The following TUBGCP3 variants were observed in gnomAD, a reference collection of about 807,000 sequenced individuals.
TUBGCP3 encodes the protein gamma-tubulin complex component 3.
Under a neutral mutation model 123.1 loss-of-function variants are expected in TUBGCP3, and 50 were observed. That is an observed-to-expected ratio of 0.41 (90% CI 0.32 to 0.51). TUBGCP3 has a LOEUF of 0.51. Ranked by LOEUF, TUBGCP3 falls within the 20% of genes least tolerant of loss-of-function variation. The pLI is 0.36. For missense variants in TUBGCP3, 882 were observed against 1,127.0 expected, an observed-to-expected ratio of 0.78 and a Z score of 3.11; for synonymous variants, 405 against 413.9, an observed-to-expected ratio of 0.98 and a Z score of 0.26.
At position 112,524,787 on chromosome 13, in the gene TUBGCP3, C is replaced by CA. The variant is rs1258059797; in HGVS notation, c.1555+2154dup. On this transcript the variant is annotated intron_variant, in intron 13 of 21. Coordinates refer to ENST00000261965, the MANE Select transcript of TUBGCP3 (RefSeq NM_006322.6). This position sits in a 1 kb window ranked among gnomAD's most constrained non-coding sequence, Gnocchi z 4.4. ...GTTACCATGGTGAGATAAGTGCTTC[C>CA]AAAATCTCTATATTCGGCCCTGACT... 3.3e-5 allele frequency among the ~76,000 whole-genome samples: 5 copies of CA among 152,126 alleles called. No individual in the cohort carries two copies. The highest frequency in any genetic ancestry group is 1.3e-4 in the Admixed American group (2 of 15,270).
rs1877384666 is a variant in TUBGCP3 at position 112,529,359 on chromosome 13, A to G, written c.1336-1875T>C. On this transcript the variant is annotated intron_variant, in intron 11 of 21. Coordinates refer to ENST00000261965, the MANE Select transcript of TUBGCP3 (RefSeq NM_006322.6). ...TATCACCAGAATTAATTATATCAAC[A>G]GATTAAAAGAGGAAATCATTTGACT... Among the ~76,000 whole-genome samples the G allele has an allele frequency of 5.3e-5, 8 of 152,256 alleles. No homozygotes were observed. The South Asian group carries it at 1.7e-3, about 32-fold the overall frequency.
chr13:112,494,221 C>G (rs1332088904), intron 20 of TUBGCP3, among the ~76,000 whole-genome samples: 1 of 152,202 alleles, frequency 6.6e-6, no homozygotes, highest in African/African-American at 2.4e-5. Flanking sequence ...CTGAGACACA[C>G]TTCCATTGGG....
chr13:112,509,253 G>A (rs534909874), intron 17 of TUBGCP3, among the ~76,000 whole-genome samples: 5 of 152,244 alleles, frequency 3.3e-5, no homozygotes, highest in South Asian at 4.1e-4. Context: ...TTCCCGTATC[G>A]ATTGACTGTA....
At chr13:112,560,690 A>C (rs945379882) in intron 3 of TUBGCP3, among the ~76,000 whole-genome samples, 1 of 152,238 alleles carries the variant, frequency 6.6e-6, no homozygotes, top group Non-Finnish European at 1.5e-5. Flanking sequence ...CATTATATAA[A>C]ACATTCTCTG....
chr13:112,534,636 T>C (rs1193681731), intron 11 of TUBGCP3, among the ~76,000 whole-genome samples: 1 of 151,846 alleles, frequency 6.6e-6, no homozygotes, highest in Non-Finnish European at 1.5e-5. Flanking sequence ...AGAGCCCTAC[T>C]TGCGCTCGGC....
intron 2 of TUBGCP3, among the ~76,000 whole-genome samples, chr13:112,565,584 C>T (rs1880886810): frequency 6.6e-6 from 1 of 152,132 alleles, no homozygotes; most frequent in Admixed American, 6.5e-5. Flanking sequence ...AAGTTAAGTA[C>T]AATATTCATG....
At position 112,522,359 on chromosome 13, in the gene TUBGCP3, C is replaced by G. The variant is rs1230942488; in HGVS notation, c.1706G>C (p.Gly569Ala). ...TAAGTGCCTTATAAAGTCTCCTTGACCAAGAAGCAGGTACCGCCTCATTGC... is the reference window on the plus strand; with the variant it reads ...TAAGTGCCTTATAAAGTCTCCTTGAGCAAGAAGCAGGTACCGCCTCATTGC... ...MQAMRRYLLL[G>A]QGDFIRHLMD... Residue 569 changes from glycine (G) to alanine (A), a missense_variant, in exon 14 of 22, where the codon GGT (glycine) becomes GCT (alanine). Gly to Ala is a moderately conservative substitution (Grantham distance 60). This residue lies in a region of TUBGCP3 where 713 missense variants were observed against 874.0 expected (regional missense o/e 0.82). Coordinates refer to ENST00000261965, the MANE Select transcript of TUBGCP3 (RefSeq NM_006322.6). The G allele has an allele frequency of 6.2e-7, 1 of 1,612,002 alleles. No homozygotes were observed. The highest frequency in any genetic ancestry group is 1.7e-5 in the Admixed American group (1 of 59,992).
At position 112,516,492 on chromosome 13, in the gene TUBGCP3, A is replaced by T. The variant is rs745572815; in HGVS notation, c.2034T>A (p.Thr678=). 1 of 1,613,756 alleles carries T rather than the reference A, an allele frequency of 6.2e-7. No individual in the cohort carries two copies. Among genetic ancestry groups the T allele is most frequent in the Non-Finnish European group, 8.5e-7 (1 of 1,179,912 alleles). ...TGCACATGTGTCCCTTCCGTATGTC[A>T]GTGAGGATGTATTCCATCCGCTTCG... ...WRAKRMEYIL[T]DIRKGHMCNA... The change falls in exon 17 of 22, where the codon ACT becomes ACA. Residue 678 remains threonine, a synonymous_variant. Transcript: ENST00000261965.
intron 20 of TUBGCP3, among the ~76,000 whole-genome samples, chr13:112,491,030 T>C (rs1440837906): frequency 6.6e-6 from 1 of 152,222 alleles, no homozygotes; most frequent in Non-Finnish European, 1.5e-5. Context: ...TGTATGTTTG[T>C]GCCTTCTCCT....
intron 18 of TUBGCP3, 79 bp downstream of exon 18, chr13:112,504,547 C>CAT (rs3832905): frequency 0.015 from 12,921 of 835,206 alleles, 26 homozygotes; most frequent in African/African-American, 0.026. Context: ...CATACATACA[C>CAT]ATATATATAT....
At chr13:112,502,849 T>C (rs541178443) in intron 19 of TUBGCP3, among the ~76,000 whole-genome samples, 5 of 152,138 alleles carry the variant, frequency 3.3e-5, no homozygotes, top group African/African-American at 1.2e-4. Context: ...CCGGCCTGTA[T>C]ATTTCTTTAA....
chr13:112,498,961 G>GT (rs764470629), intron 20 of TUBGCP3, 84 bp downstream of exon 20: 1 of 1,614,192 alleles, frequency 6.2e-7, no homozygotes, highest in African/African-American at 1.3e-5. Flanking sequence ...TGGCAAGAAA[G>GT]TTATTTGTTG....
intron 14 of TUBGCP3, chr13:112,521,996 T>G (rs1465905429): frequency 5.2e-6 from 2 of 388,256 alleles, no homozygotes; most frequent in African/African-American, 4.4e-5. Flanking sequence ...TTTTTCAGCT[T>G]TATTTCAAAC....
At chr13:112,584,763 A>G (rs1445803482) in intron 1 of TUBGCP3, among the ~76,000 whole-genome samples, 1 of 152,260 alleles carries the variant, frequency 6.6e-6, no homozygotes, top group African/African-American at 2.4e-5. Flanking sequence ...CAAAGTAGCT[A>G]TGAAAAGAAG....
At chr13:112,531,218 C>T (rs1566555656) in intron 11 of TUBGCP3, among the ~76,000 whole-genome samples, 1 of 152,154 alleles carries the variant, frequency 6.6e-6, no homozygotes, top group Non-Finnish European at 1.5e-5. Flanking sequence ...TGAATAAGTG[C>T]CAACATTTTT....
At chr13:112,549,816 C>G (rs1879404511) in intron 8 of TUBGCP3, among the ~76,000 whole-genome samples, 1 of 151,628 alleles carries the variant, frequency 6.6e-6, no homozygotes, top group South Asian at 2.1e-4. Context: ...GGTGAGACCC[C>G]TGTCTCTACT....
chr13:112,578,754 G>A (rs1882055697), intron 1 of TUBGCP3, among the ~76,000 whole-genome samples: 2 of 151,846 alleles, frequency 1.3e-5, no homozygotes, highest in African/African-American at 4.8e-5. Context: ...GGCCTTCACA[G>A]CCTCCATACT....
chr13:112,557,383 T>C (rs538569213), intron 5 of TUBGCP3, among the ~76,000 whole-genome samples: 9 of 152,330 alleles, frequency 5.9e-5, no homozygotes, highest in East Asian at 3.9e-4. Context: ...TTGAACATAA[T>C]TGAATAAATC....
intron 13 of TUBGCP3, 97 bp from the exon 14 acceptor site, chr13:112,522,606 A>G: frequency 1.6e-6 from 2 of 1,226,628 alleles, no homozygotes; most frequent in African/African-American, 1.5e-5. Context: ...AGGGCCAACC[A>G]CTGCCTGTGG....
Sources: gnomAD v4.1 joint callset for allele counts (sites outside exome capture counted in the v4.1 genomes callset) on GRCh38, gnomAD v4.1.1 for gene constraint, gnomAD v4.1.1 regional missense constraint, Gnocchi (gnomAD v3.1) non-coding constraint, MANE v1.5 for transcripts, NCBI Gene and HGNC (gene_info 2026-07-23, HGNC 2026-07-21) for gene names.